Variants in PDE3B observed in about 807,000 individuals in gnomAD.
PDE3B encodes the protein cGMP-inhibited 3',5'-cyclic phosphodiesterase 3B.
A neutral mutation model predicts 116.8 loss-of-function variants in PDE3B; 66 were observed. The ratio of observed to expected loss-of-function variants is 0.56; its 90% CI spans 0.46 to 0.69. The LOEUF (loss-of-function observed/expected upper bound fraction) is 0.69. PDE3B is among the 30% of genes least tolerant of loss of function. The probability of loss-of-function intolerance (pLI) is 0.00; values close to 1 mark genes in which losing one functional copy is unlikely to be tolerated. For missense variants in PDE3B, 1,384 were observed against 1,368.1 expected, an observed-to-expected ratio of 1.01 and a Z score of -0.18; for synonymous variants, 595 against 533.6, an observed-to-expected ratio of 1.12 and a Z score of -1.59.
intron 1 of PDE3B, among the ~76,000 whole-genome samples, chr11:14,728,976 A>G (rs900551505): frequency 6.6e-6 from 1 of 152,148 alleles, no homozygotes; most frequent in African/African-American, 2.4e-5. Flanking sequence ...TTGCTTCCAG[A>G]CCATGCTCAT....
intron 1 of PDE3B, among the ~76,000 whole-genome samples, chr11:14,723,862 A>G (rs1166725572): frequency 6.6e-6 from 1 of 152,196 alleles, no homozygotes; most frequent in African/African-American, 2.4e-5. Context: ...AGCACAGAAA[A>G]CAAAAAGAAG....
chr11:14,725,290 T>TC (rs2133847567), intron 1 of PDE3B, among the ~76,000 whole-genome samples: 2 of 127,754 alleles, frequency 1.6e-5, no homozygotes, highest in African/African-American at 5.8e-5. Context: ...TTTCTTTCTT[T>TC]TTCTTTCTTT....
chr11:14,698,551 G>A (rs552425499), intron 1 of PDE3B, among the ~76,000 whole-genome samples: 1 of 151,848 alleles, frequency 6.6e-6, no homozygotes, highest in South Asian at 2.1e-4. Context: ...TTTCATCTGT[G>A]TTCATGAGAG....
intron 1 of PDE3B, among the ~76,000 whole-genome samples, chr11:14,746,999 C>T (rs1856926572): frequency 6.6e-6 from 1 of 152,168 alleles, no homozygotes; most frequent in African/African-American, 2.4e-5. Flanking sequence ...GTGGTGCCAG[C>T]ATCTGCTCCT....
At position 14,705,896 on chromosome 11, in the gene PDE3B, G is replaced by A. The variant is rs1855517836; in HGVS notation, c.978+60843G>A. On this transcript the variant is annotated intron_variant, in intron 1 of 15. Coordinates refer to ENST00000282096, the MANE Select transcript of PDE3B (RefSeq NM_000922.4). ...TGTGTATTACTGGGAATGTCTTTCG[G>A]TACTTATATAGAAATAAGGTAAAAA... Among the ~76,000 whole-genome samples the A allele has an allele frequency of 2.6e-5, 4 of 151,694 alleles. No individual in the cohort carries two copies. In the South Asian group the frequency reaches 8.3e-4, roughly 31 times the overall value.
At chr11:14,705,388 C>T (rs1855499122) in intron 1 of PDE3B, among the ~76,000 whole-genome samples, 1 of 151,742 alleles carries the variant, frequency 6.6e-6, no homozygotes, top group Admixed American at 6.6e-5. Flanking sequence ...GAGGAAGCCA[C>T]ATACAATATA....
Position 14,859,086 on chromosome 11 carries a change from C to T in PDE3B, c.2564C>T (p.Ala855Val). Residue 855 changes from alanine (A) to valine (V), a missense_variant, in exon 13 of 16, where the codon GCT (alanine) becomes GTT (valine). Physicochemically the swap from Ala to Val is moderately conservative, Grantham distance 64. Coordinates refer to ENST00000282096, the MANE Select transcript of PDE3B (RefSeq NM_000922.4). ...AGATCTGTTCTGGAAAATCATCATG[C>T]TGCGTCAGCTTGGAATCTATATCTT... ...NDRSVLENHH[A>V]ASAWNLYLSR... The T allele has an allele frequency of 6.2e-7, 1 of 1,613,530 alleles. No homozygotes were observed. Among genetic ancestry groups the T allele is most frequent in the Non-Finnish European group, 8.5e-7 (1 of 1,179,678 alleles).
rs543543583 is a variant in PDE3B at position 14,806,854 on chromosome 11, G to A, written c.1522+2804G>A. On this transcript the variant is annotated intron_variant, in intron 5 of 15. Coordinates refer to ENST00000282096, the MANE Select transcript of PDE3B (RefSeq NM_000922.4). ...AGCCTGGGCGACAGAGTGAGACTCC[G>A]TCTCAAAAAAAAAAAAAAAAAAAAA... is the stretch of plus-strand genomic sequence containing the variant. 8.0e-5 allele frequency among the ~76,000 whole-genome samples: 9 copies of A among 112,128 alleles called. No homozygotes were observed. The South Asian group carries it at 1.6e-3, about 19-fold the overall frequency. 73.6% of individuals were successfully genotyped at this position (112,128 alleles called of 152,430 possible).
chr11:14,792,608 T>TTA (rs1858423029), intron 4 of PDE3B, among the ~76,000 whole-genome samples: 2 of 152,142 alleles, frequency 1.3e-5, no homozygotes, highest in Non-Finnish European at 2.9e-5. Flanking sequence ...AAGAGTTTAT[T>TTA]ATTGTTCATC....
At chr11:14,852,463 AAAC>A (rs1847772404) in intron 12 of PDE3B, among the ~76,000 whole-genome samples, 1 of 152,262 alleles carries the variant, frequency 6.6e-6, no homozygotes, top group African/African-American at 2.4e-5. Flanking sequence ...AGATAATTTA[AAAC>A]AATGTTATAT....
At chr11:14,787,784 A>G (rs1858259136) in intron 3 of PDE3B, among the ~76,000 whole-genome samples, 1 of 151,902 alleles carries the variant, frequency 6.6e-6, no homozygotes, top group South Asian at 2.1e-4. Flanking sequence ...GGGCATAGCA[A>G]TAAACCATAA....
At chr11:14,844,862 G>C in intron 12 of PDE3B, among the ~76,000 whole-genome samples, 1 of 152,240 alleles carries the variant, frequency 6.6e-6, no homozygotes, top group Non-Finnish European at 1.5e-5. Flanking sequence ...GCCAACCACA[G>C]CCCAAGGAGG....
intron 1 of PDE3B, among the ~76,000 whole-genome samples, chr11:14,727,309 C>T (rs1411172207): frequency 6.6e-6 from 1 of 152,012 alleles, no homozygotes; most frequent in Admixed American, 6.5e-5. Flanking sequence ...AAGAAATTTA[C>T]ATTTTTTTAA....
intron 11 of PDE3B, among the ~76,000 whole-genome samples, chr11:14,842,818 A>C (rs1847502666): frequency 1.3e-5 from 2 of 152,248 alleles, no homozygotes; most frequent in South Asian, 4.1e-4. Context: ...TTTGATACAA[A>C]TTATAAATAG....
Position 14,791,156 on chromosome 11 carries a change from T to C in PDE3B, c.1415+1914T>C, listed in dbSNP as rs570488370. On this transcript the variant is annotated intron_variant, in intron 4 of 15. Coordinates refer to ENST00000282096, the MANE Select transcript of PDE3B (RefSeq NM_000922.4). ...AGTGCAGCTCTAGATCTTTAATGCGTAGTGATGTTTTGTTCAGGAATCTTT... is the reference window on the plus strand; with the variant it reads ...AGTGCAGCTCTAGATCTTTAATGCGCAGTGATGTTTTGTTCAGGAATCTTT... 5.9e-5 allele frequency among the ~76,000 whole-genome samples: 9 copies of C among 152,266 alleles called. No individual in the cohort carries two copies. The South Asian group carries it at 1.9e-3, about 32-fold the overall frequency.
At chr11:14,685,217 GA>G (rs1289524000) in intron 1 of PDE3B, among the ~76,000 whole-genome samples, 3 of 152,102 alleles carry the variant, frequency 2.0e-5, no homozygotes, top group Admixed American at 1.3e-4. Flanking sequence ...ATATTAAAAT[GA>G]AATCTTCACA....
At chr11:14,797,380 T>C (rs1348055627) in intron 4 of PDE3B, among the ~76,000 whole-genome samples, 1 of 152,196 alleles carries the variant, frequency 6.6e-6, no homozygotes, top group Non-Finnish European at 1.5e-5. Context: ...TCCAGCTTTG[T>C]TCTTTTTGCT....
intron 1 of PDE3B, among the ~76,000 whole-genome samples, chr11:14,763,505 G>A (rs1367721463): frequency 3.9e-5 from 6 of 152,070 alleles, no homozygotes; most frequent in Non-Finnish European, 7.4e-5. Context: ...GGGTGTGTGT[G>A]TGTAATGAAT....
chr11:14,803,830 C>T (rs112122653), intron 4 of PDE3B, 114 bp from the exon 5 acceptor site: 56 of 654,394 alleles, frequency 8.6e-5, no homozygotes, highest in Admixed American at 6.1e-4. Flanking sequence ...GCACTAGAGG[C>T]GCAAACTCTG....
Sources: allele counts gnomAD v4.1 joint callset (sites outside exome capture counted in the v4.1 genomes callset), GRCh38; gene constraint gnomAD v4.1.1; transcripts MANE v1.5; gene names NCBI Gene and HGNC (gene_info 2026-07-23, HGNC 2026-07-21).